The following NRDC variants were observed in gnomAD, a reference collection of about 807,000 sequenced individuals.
NRDC encodes nardilysin convertase, also known as nardilysin.
Under a neutral mutation model 147.1 loss-of-function variants are expected in NRDC, and 54 were observed. The ratio of observed to expected loss-of-function variants is 0.37; its 90% CI spans 0.29 to 0.46. The LOEUF (loss-of-function observed/expected upper bound fraction) is 0.46, where lower values mean the gene tolerates loss of function less well. NRDC is among the 20% of genes least tolerant of loss of function. The pLI is 1.00. For synonymous variants in NRDC, 440 were observed against 482.1 expected (o/e 0.91, Z 1.14); for missense variants, 1,082 against 1,370.6 (o/e 0.79, Z 3.33).
intron 9 of NRDC, among the ~76,000 whole-genome samples, chr1:51,819,320 G>A (rs891906380): frequency 1.3e-4 from 19 of 151,170 alleles, no homozygotes; most frequent in African/African-American, 4.4e-4. Context: ...AAAGAAATCC[G>A]ATACAAATGA....
rs999517886 is a variant in NRDC, at chr1:51,839,969, T to C, written c.630+257A>G. 5 of 302,474 alleles carry C rather than the reference T, an allele frequency of 1.7e-5. No homozygotes were observed. In the East Asian group the frequency reaches 3.2e-4, roughly 19 times the overall value. The allele number at this position is 302,474 out of a possible 1,614,324, so 18.7% of individuals were successfully genotyped here. A position where few individuals can be genotyped will look rare whatever the true frequency, so the allele number is the denominator to read the frequency against. On this transcript the variant is annotated intron_variant, in intron 2 of 30. Coordinates refer to ENST00000352171, the MANE Select transcript of NRDC (RefSeq NM_001101662.2). ...AAATTCAAATACCTCTGAGTGTTGA[T>C]TACCTCTGAGAGATATAGCTATGGG... is the stretch of plus-strand genomic sequence containing the variant.
intron 1 of NRDC, among the ~76,000 whole-genome samples, chr1:51,857,921 A>T (rs2124051192): frequency 6.6e-6 from 1 of 152,318 alleles, no homozygotes. Flanking sequence ...TTCTAGGGAA[A>T]TATTGGATCC....
chr1:51,846,730 C>T (rs545494827), intron 1 of NRDC, among the ~76,000 whole-genome samples: 1 of 152,372 alleles, frequency 6.6e-6, no homozygotes, highest in Admixed American at 6.5e-5. Context: ...TGGAACTCGA[C>T]CCAAGTGGGT....
At position 51,806,887 on chromosome 1, in the gene NRDC, C is replaced by T. The variant is rs1679490817; in HGVS notation, c.2017G>A (p.Asp673Asn). ...ACTGGGTATTCTGTTTCCGGGCAAT[C>T]GAAAGCCTTCAACGTAAAGTCCGTG... ...IATDFTLKAF[D>N]CPETEYPVKI... The change falls in exon 18 of 31, where the codon GAT becomes AAT. Residue 673 changes from aspartate to asparagine, a missense_variant. Physicochemically the swap from Asp to Asn is conservative, Grantham distance 23. Around this residue, in one of 3 missense-constraint regions of NRDC, gnomAD observed 635 missense variants for 923.8 expected, o/e 0.69. Coordinates refer to ENST00000352171, the MANE Select transcript of NRDC (RefSeq NM_001101662.2). The T allele has an allele frequency of 6.2e-7, 1 of 1,613,596 alleles. No individual in the cohort carries two copies.
At chr1:51,795,112 C>G (rs112935158) in intron 22 of NRDC, 3 of 1,427,722 alleles carry the variant, frequency 2.1e-6, no homozygotes, top group South Asian at 2.4e-5. Flanking sequence ...CCAACTGGAT[C>G]AAACTTAATT....
chr1:51,878,092 C>A (rs1281889779), intron 1 of NRDC, 183 bp downstream of exon 1: 2 of 1,421,942 alleles, frequency 1.4e-6, no homozygotes, highest in African/African-American at 1.4e-5. Flanking sequence ...AGATCTCCCA[C>A]TTGCCCAGCT....
chr1:51,851,904 G>C (rs943902809), intron 1 of NRDC, among the ~76,000 whole-genome samples: 3 of 152,148 alleles, frequency 2.0e-5, no homozygotes, highest in Non-Finnish European at 2.9e-5. Flanking sequence ...TGAATTCCCA[G>C]CCAAGGAACA....
At chr1:51,800,830 T>A in intron 20 of NRDC, 147 bp from the exon 21 acceptor site, 1 of 728,848 alleles carries the variant, frequency 1.4e-6, no homozygotes, top group Non-Finnish European at 2.2e-6. Context: ...ACAACTCAAT[T>A]TGTTCGTTTG....
chr1:51,840,887 A>G (rs1260519062), intron 1 of NRDC, among the ~76,000 whole-genome samples: 1 of 152,212 alleles, frequency 6.6e-6, no homozygotes, highest in Non-Finnish European at 1.5e-5. Context: ...CTATCATACC[A>G]GAAGACTTAG....
In NRDC at chr1:51,878,280, T is replaced by C. The variant is rs1022059053; in HGVS notation, c.336A>G (p.Gln112=). 4.3e-6 allele frequency: 7 copies of C among 1,611,080 alleles called. No homozygotes were observed. The highest frequency in any genetic ancestry group is 3.3e-5 in the Admixed American group (2 of 59,930). ...EIVKSPSDPK[Q]YRYIKLQNGL... ...TTGCAAGCCTCCTCCCTCACCGGTA[T>C]TGCTTGGGGTCGCTGGGAGACTTGA... The change falls in exon 1 of 31, where the codon CAA becomes CAG. Residue 112 remains glutamine, a synonymous_variant. Coordinates refer to ENST00000352171, the MANE Select transcript of NRDC (RefSeq NM_001101662.2).
chr1:51,848,486 A>G (rs1221904166), intron 1 of NRDC, among the ~76,000 whole-genome samples: 1 of 151,984 alleles, frequency 6.6e-6, no homozygotes, highest in Non-Finnish European at 1.5e-5. Flanking sequence ...GTCTCAAAAA[A>G]TAATAATAAT....
intron 6 of NRDC, 112 bp downstream of exon 6, chr1:51,825,175 G>C: frequency 1.4e-6 from 1 of 726,752 alleles, no homozygotes; most frequent in South Asian, 1.8e-5. Flanking sequence ...ATCCTAAAAG[G>C]TAAAAGGTAC....
intron 1 of NRDC, among the ~76,000 whole-genome samples, chr1:51,868,810 T>C (rs887187951): frequency 9.3e-5 from 14 of 150,880 alleles, no homozygotes; most frequent in Non-Finnish European, 1.9e-4. Context: ...GAGGTGGAGG[T>C]TGCAGTGACC....
intron 1 of NRDC, among the ~76,000 whole-genome samples, chr1:51,873,919 T>C (rs888126475): frequency 3.3e-5 from 5 of 151,752 alleles, no homozygotes; most frequent in African/African-American, 4.8e-5. Context: ...CAGGGCGTGG[T>C]AGCTCACACC....
intron 24 of NRDC, among the ~76,000 whole-genome samples, chr1:51,794,238 C>T (rs1007449719): frequency 3.3e-5 from 5 of 152,170 alleles, no homozygotes; most frequent in South Asian, 2.1e-4. Flanking sequence ...ACCCACACCT[C>T]GGTTTCTGGC....
intron 27 of NRDC, among the ~76,000 whole-genome samples, chr1:51,791,242 T>C (rs1214629704): frequency 1.3e-5 from 2 of 152,162 alleles, no homozygotes; most frequent in Admixed American, 6.5e-5. Context: ...CACAACCATG[T>C]ATGACCATTC....
chr1:51,843,893 G>A (rs1221617065), intron 1 of NRDC, among the ~76,000 whole-genome samples: 3 of 150,248 alleles, frequency 2.0e-5, no homozygotes, highest in Non-Finnish European at 4.4e-5. Flanking sequence ...CAGGGAAGGG[G>A]AACTTTACTT....
At position 51,814,723 on chromosome 1, in the gene NRDC, CA is replaced by C; in HGVS notation, c.1529del (p.Leu510Ter). ...AAAAATGTTCATAACCCTCATCAGT[CA>C]ATGTAATAGAAATGCTGAACACTGA... ...TYSVFSISIT[L>X]TDEGYEHFYE... On this transcript the variant is annotated frameshift_variant, in exon 12 of 31. Coordinates refer to ENST00000352171, the MANE Select transcript of NRDC (RefSeq NM_001101662.2). LOFTEE classifies it high-confidence loss of function. 1 of 1,610,830 alleles carries C rather than the reference CA, an allele frequency of 6.2e-7. No homozygotes were observed. The highest frequency in any genetic ancestry group is 2.2e-5 in the East Asian group (1 of 44,826).
intron 1 of NRDC, among the ~76,000 whole-genome samples, chr1:51,865,759 C>T (rs1236955816): frequency 6.6e-6 from 1 of 151,680 alleles, no homozygotes; most frequent in East Asian, 1.9e-4. Context: ...TTTTTTAAAA[C>T]CTAACAATAT....
Sources: allele counts gnomAD v4.1 joint callset (sites outside exome capture counted in the v4.1 genomes callset), GRCh38; gene constraint gnomAD v4.1.1; regional missense constraint gnomAD v4.1.1; transcripts MANE v1.5; gene names NCBI Gene and HGNC (gene_info 2026-07-23, HGNC 2026-07-21).